Variants in ADARB2 observed in about 807,000 individuals in gnomAD.
The protein encoded by ADARB2 is adenosine deaminase RNA specific B2 (inactive), also known as inactive double-stranded RNA-specific editase B2.
ADARB2 carries 25 observed loss-of-function variants against 62.2 expected under a neutral mutation model. The ratio of observed to expected loss-of-function variants is 0.40; its 90% CI spans 0.29 to 0.56. The LOEUF is 0.56. ADARB2 is among the 20% of genes least tolerant of loss of function. ADARB2 has a pLI of 0.43. For synonymous variants in ADARB2, 572 were observed against 500.8 expected (o/e 1.14, Z -1.90); for missense variants, 1,071 against 1,077.4 (o/e 0.99, Z 0.08).
At chr10:1,445,383 T>G (rs1373816270) in intron 1 of ADARB2, among the ~76,000 whole-genome samples, 1 of 150,656 alleles carries the variant, frequency 6.6e-6, no homozygotes, top group Non-Finnish European at 1.5e-5. Flanking sequence ...CATCCATTCA[T>G]CCACCCATTC....
In ADARB2 at chr10:1,501,308, T is replaced by C. The variant is rs1026008128; in HGVS notation, c.101-122148A>G. 7.2e-5 allele frequency among the ~76,000 whole-genome samples: 11 copies of C among 152,310 alleles called. 1 individual carries two copies. The highest frequency in any genetic ancestry group is 2.6e-4 in the African/African-American group (11 of 41,572). ...GTCTCCTGGAATTGTACACAGAATT[T>C]GGTGTGCATGTATACATGATTTTTC... On this transcript the variant is annotated intron_variant, in intron 1 of 9. Transcript: ENST00000381312.
At chr10:1,605,423 T>C (rs967976618) in intron 1 of ADARB2, among the ~76,000 whole-genome samples, 1 of 152,220 alleles carries the variant, frequency 6.6e-6, no homozygotes, top group Admixed American at 6.5e-5. Context: ...CTTCTTTCCT[T>C]GCCAATCTCT....
intron 1 of ADARB2, among the ~76,000 whole-genome samples, chr10:1,393,502 C>A (rs556565414): frequency 9.2e-5 from 14 of 152,288 alleles, no homozygotes; most frequent in African/African-American, 3.4e-4. Flanking sequence ...CCATCACCAC[C>A]TTCCCCATCT....
chr10:1,624,207 C>G (rs1049394593), intron 1 of ADARB2, among the ~76,000 whole-genome samples: 13 of 152,112 alleles, frequency 8.5e-5, no homozygotes, highest in African/African-American at 2.4e-4. Flanking sequence ...CCACTCCTGC[C>G]TGGGTGACAG....
intron 3 of ADARB2, chr10:1,291,561 A>G (rs1831465941): frequency 6.6e-6 from 1 of 152,176 alleles, no homozygotes; most frequent in Non-Finnish European, 1.5e-5. Context: ...ATTTTTGTTT[A>G]TTTACATACC....
At chr10:1,381,641 A>G (rs1024074965) in intron 1 of ADARB2, among the ~76,000 whole-genome samples, 4 of 152,238 alleles carry the variant, frequency 2.6e-5, no homozygotes, top group Non-Finnish European at 4.4e-5. Flanking sequence ...ACAGCCAAGC[A>G]ACAGATTAGG....
chr10:1,503,372 G>A (rs958446898), intron 1 of ADARB2, among the ~76,000 whole-genome samples: 8 of 148,080 alleles, frequency 5.4e-5, no homozygotes, highest in Non-Finnish European at 1.0e-4. Context: ...TTTTTTTAGA[G>A]ATGGGGTTTT....
chr10:1,706,190 C>T (rs1834888312), intron 1 of ADARB2, among the ~76,000 whole-genome samples: 1 of 152,192 alleles, frequency 6.6e-6, no homozygotes, highest in African/African-American at 2.4e-5. Flanking sequence ...GTTTTCGCTC[C>T]CTACCCTGGA....
intron 3 of ADARB2, among the ~76,000 whole-genome samples, chr10:1,293,630 G>C (rs985291748): frequency 7.9e-5 from 12 of 152,112 alleles, no homozygotes; most frequent in African/African-American, 2.9e-4. Context: ...TTTATTTTTT[G>C]TTTATCCTCC....
intron 1 of ADARB2, among the ~76,000 whole-genome samples, chr10:1,576,282 G>A (rs1574271): frequency 0.26 from 38,592 of 150,256 alleles, 5,333 homozygotes; most frequent in Non-Finnish European, 0.33. Context: ...TCAAAGGAGG[G>A]GGCTCAGGAT....
chr10:1,521,148 A>C (rs1165908480), intron 1 of ADARB2, among the ~76,000 whole-genome samples: 1 of 151,486 alleles, frequency 6.6e-6, no homozygotes, highest in African/African-American at 2.4e-5. Context: ...GGCTGTAAAA[A>C]CTCTGTATTA....
chr10:1,205,345 CTGGAG>C (rs1837039503), intron 7 of ADARB2, among the ~76,000 whole-genome samples: 1 of 107,988 alleles, frequency 9.3e-6, no homozygotes, highest in East Asian at 3.2e-4. Context: ...AGACAACTCA[CTGGAG>C]CCCGTGGCAC....
At chr10:1,389,784 T>TAAATAAATAAATAATA (rs869033698) in intron 1 of ADARB2, among the ~76,000 whole-genome samples, 1 of 146,868 alleles carries the variant, frequency 6.8e-6, no homozygotes, top group African/African-American at 2.5e-5. Flanking sequence ...AATAAATAAA[T>TAAATAAATAAATAATA]AATAAATAAA....
chr10:1,702,617 C>G (rs1291180889), intron 1 of ADARB2, among the ~76,000 whole-genome samples: 1 of 152,230 alleles, frequency 6.6e-6, no homozygotes, highest in Non-Finnish European at 1.5e-5. Flanking sequence ...TATTCTCAGA[C>G]TCACTGAACT....
chr10:1,473,994 C>T (rs930774739), intron 1 of ADARB2, among the ~76,000 whole-genome samples: 12 of 150,080 alleles, frequency 8.0e-5, no homozygotes, highest in Non-Finnish European at 1.0e-4. Context: ...GCTGAGCCCC[C>T]GGATCACGGG....
At chr10:1,224,843 G>A (rs1366377521) in intron 6 of ADARB2, among the ~76,000 whole-genome samples, 1 of 152,150 alleles carries the variant, frequency 6.6e-6, no homozygotes, top group Non-Finnish European at 1.5e-5. Flanking sequence ...CAATTATGTG[G>A]TCAGTTTTGG....
intron 1 of ADARB2, among the ~76,000 whole-genome samples, chr10:1,706,897 G>T (rs373784776): frequency 6.6e-6 from 1 of 151,124 alleles, no homozygotes; most frequent in African/African-American, 2.4e-5. Context: ...AGGAAGTGGG[G>T]TTTTTGTTGG....
At chr10:1,573,671 T>C (rs924625147) in intron 1 of ADARB2, among the ~76,000 whole-genome samples, 3 of 151,854 alleles carry the variant, frequency 2.0e-5, no homozygotes, top group East Asian at 1.9e-4. Context: ...CCTTGGGAGG[T>C]TGAGGAGGAA....
chr10:1,429,015 A>G (rs1402923952), intron 1 of ADARB2, among the ~76,000 whole-genome samples: 2 of 150,834 alleles, frequency 1.3e-5, no homozygotes, highest in African/African-American at 4.9e-5. Flanking sequence ...TCTGGTCTGA[A>G]TCAGGTGGGT....
Sources: allele counts gnomAD v4.1 joint callset (sites outside exome capture counted in the v4.1 genomes callset), GRCh38; gene constraint gnomAD v4.1.1; transcripts MANE v1.5; gene names NCBI Gene and HGNC (gene_info 2026-07-23, HGNC 2026-07-21).